The following F10 variants were observed in gnomAD, a reference collection of about 807,000 sequenced individuals.
F10 encodes the protein coagulation factor X.
F10 carries 29 observed loss-of-function variants against 37.1 expected under a neutral mutation model. That is an observed-to-expected ratio of 0.78 (90% CI 0.58 to 1.07). The LOEUF (loss-of-function observed/expected upper bound fraction) is 1.07, where lower values mean the gene tolerates loss of function less well. Ranked by LOEUF, F10 falls within the 50% of genes least tolerant of loss-of-function variation. The pLI is 0.00. For synonymous variants in F10, 262 were observed against 268.6 expected (o/e 0.98, Z 0.24); for missense variants, 539 against 667.9 (o/e 0.81, Z 2.13).
At chr13:113,134,836 T>C (rs1459482104) in intron 2 of F10, among the ~76,000 whole-genome samples, 2 of 152,242 alleles carry the variant, frequency 1.3e-5, no homozygotes, top group Non-Finnish European at 2.9e-5. Context: ...ATAAAACATA[T>C]ACAGGATCTT....
chr13:113,145,891 T>C (rs1205803602), intron 6 of F10, among the ~76,000 whole-genome samples: 1 of 152,122 alleles, frequency 6.6e-6, no homozygotes, highest in Non-Finnish European at 1.5e-5. Flanking sequence ...GGAGCTACAG[T>C]TTGAGATGAG....
In F10 at chr13:113,143,709, TCGCCCTGC is replaced by T; in HGVS notation, c.503-141_503-134del. The T allele has an allele frequency of 6.3e-5, 83 of 1,311,162 alleles. No homozygotes were observed. Among genetic ancestry groups the T allele is most frequent in the Admixed American group, 3.1e-4 (15 of 49,050 alleles). 81.2% of individuals were successfully genotyped at this position (1,311,162 alleles called of 1,614,324 possible). A position where few individuals can be genotyped will look rare whatever the true frequency, so the allele number is the denominator to read the frequency against. ...CGACCCCTGCCGACGACGTGGGGCCTCGCCCTGCAAGCCCGCTGCCCCTCCGGGTGCCC... is the reference window on the plus strand; with the variant it reads ...CGACCCCTGCCGACGACGTGGGGCCTAAGCCCGCTGCCCCTCCGGGTGCCC... On this transcript the variant is annotated intron_variant, in intron 5 of 7. Coordinates refer to ENST00000375559, the MANE Select transcript of F10 (RefSeq NM_000504.4). The surrounding 1 kb of genome is among the most constrained non-coding windows in gnomAD (Gnocchi z 6.8).
At position 113,149,114 on chromosome 13, in the gene F10, C is replaced by A. The variant is rs746308548; in HGVS notation, c.1064C>A (p.Thr355Lys). ...GACTGGGCCGAGTCCACGCTGATGA[C>A]GCAGAAGACGGGGATTGTGAGCGGC... ...ERDWAESTLM[T>K]QKTGIVSGFG... The change falls in exon 8 of 8, where the codon ACG becomes AAG. Residue 355 changes from threonine to lysine, a missense_variant. Thr to Lys is a moderately conservative substitution (Grantham distance 78, BLOSUM62 -1). This residue lies in a region of F10 where 409 missense variants were observed against 547.9 expected (regional missense o/e 0.75). Transcript: ENST00000375559. The surrounding 1 kb of genome is among the most constrained non-coding windows in gnomAD (Gnocchi z 7.5). The A allele has an allele frequency of 6.2e-7, 1 of 1,613,054 alleles. No individual in the cohort carries two copies. The highest frequency in any genetic ancestry group is 2.2e-5 in the East Asian group (1 of 44,876).
intron 2 of F10, chr13:113,130,076 C>T (rs1372716969): frequency 6.6e-6 from 2 of 304,586 alleles, no homozygotes; most frequent in African/African-American, 4.4e-5. Flanking sequence ...GACGCCAGGC[C>T]ACGAACCCAG....
chr13:113,122,816 C>G lies in F10; in HGVS notation c.-40C>G, dbSNP rs3212994. On this transcript the variant is annotated 5_prime_UTR_variant, in exon 1 of 8. Coordinates refer to ENST00000375559, the MANE Select transcript of F10 (RefSeq NM_000504.4). ...GGGGCGTGGACTTTGCTCCAGCAGC[C>G]TGTCCCAGTGAGGACAGGGACACAG... 2 of 1,603,152 alleles carry G rather than the reference C, an allele frequency of 1.2e-6. No individual in the cohort carries two copies. Among genetic ancestry groups the G allele is most frequent in the Non-Finnish European group, 1.7e-6 (2 of 1,177,094 alleles).
chr13:113,141,733 A>G lies in F10; in HGVS notation c.502+683A>G, dbSNP rs1032417738. 4.6e-5 allele frequency among the ~76,000 whole-genome samples: 7 copies of G among 152,098 alleles called. No homozygotes were observed. The highest frequency in any genetic ancestry group is 1.0e-4 in the Non-Finnish European group (7 of 68,018). ...CGGCCAGCACACATGAGGCCCTCGA[A>G]GGCGGGGCCTAGGCGTCACAGCTGC... On this transcript the variant is annotated intron_variant, in intron 5 of 7. Transcript: ENST00000375559. The surrounding 1 kb of genome is among the most constrained non-coding windows in gnomAD (Gnocchi z 5.4).
rs1158454795 is a variant in F10 at position 113,143,754 on chromosome 13, C to T, written c.503-97C>T. Reference sequence around the variant, plus strand: ...CCCTCCGGGTGCCCCTGCGCTCTGCCTCCCGGCTCTCTGACTCTTCTCCCT... The same window carrying T: ...CCCTCCGGGTGCCCCTGCGCTCTGCTTCCCGGCTCTCTGACTCTTCTCCCT... On this transcript the variant is annotated intron_variant, in intron 5 of 7. Transcript: ENST00000375559. The surrounding 1 kb of genome is among the most constrained non-coding windows in gnomAD (Gnocchi z 6.8). 32 of 1,581,118 alleles carry T rather than the reference C, an allele frequency of 2.0e-5. 1 individual carries two copies. In the South Asian group the frequency reaches 3.5e-4, roughly 17 times the overall value.
Position 113,122,863 on chromosome 13 carries a change from GC to G in F10, c.11del (p.Pro4HisfsTer45), listed in dbSNP as rs758550534. MG[R>X]PLHLVLLSAS... ...ACAGTACTCGGCCACACCATGGGGCGCCCACTGCACCTCGTCCTGCTCAGTG... is the reference window on the plus strand; with the variant it reads ...ACAGTACTCGGCCACACCATGGGGCGCCACTGCACCTCGTCCTGCTCAGTG... On this transcript the variant is annotated frameshift_variant, in exon 1 of 8. Transcript: ENST00000375559. LOFTEE classifies it high-confidence loss of function. 6.2e-7 allele frequency: 1 copy of G among 1,610,424 alleles called. No individual in the cohort carries two copies. The highest frequency in any genetic ancestry group is 1.3e-5 in the African/African-American group (1 of 75,058).
intron 6 of F10, among the ~76,000 whole-genome samples, chr13:113,145,093 G>A (rs572644732): frequency 4.6e-5 from 7 of 152,264 alleles, no homozygotes; most frequent in Admixed American, 6.5e-5. Context: ...TGTTAGCCAG[G>A]ATGGTCTCCA....
At chr13:113,123,048 G>T in intron 1 of F10, 123 bp downstream of exon 1, 1 of 1,175,792 alleles carries the variant, frequency 8.5e-7, no homozygotes, top group Non-Finnish European at 1.2e-6. Context: ...GCCAGAGGCT[G>T]GGCTCGGATG....
At position 113,139,493 on chromosome 13, in the gene F10, C is replaced by G; in HGVS notation, c.370+23C>G. The G allele has an allele frequency of 6.3e-7, 1 of 1,580,990 alleles. No homozygotes were observed. The highest frequency in any genetic ancestry group is 8.7e-7 in the Non-Finnish European group (1 of 1,150,142). On this transcript the variant is annotated intron_variant, in intron 4 of 7. Transcript: ENST00000375559. This position sits in a 1 kb window ranked among gnomAD's most constrained non-coding sequence, Gnocchi z 5.2. ...TATGTAGGTTCCTCTGCTTGGTATA[C>G]CTTCAGATCAGATGCCCCTGAAGAG...
intron 4 of F10, 172 bp from the exon 5 acceptor site, chr13:113,140,747 C>T: frequency 1.1e-6 from 1 of 929,262 alleles, no homozygotes; most frequent in South Asian, 1.3e-5. Context: ...CTCCCCGTGA[C>T]CCGTGAGGTT....
Position 113,144,143 on chromosome 13 carries a change from C to G in F10, c.747+48C>G. The G allele has an allele frequency of 1.2e-6, 2 of 1,611,158 alleles. No homozygotes were observed. Among genetic ancestry groups the G allele is most frequent in the Non-Finnish European group, 1.7e-6 (2 of 1,179,696 alleles). On this transcript the variant is annotated intron_variant, in intron 6 of 7. Coordinates refer to ENST00000375559, the MANE Select transcript of F10 (RefSeq NM_000504.4). The surrounding 1 kb of genome is among the most constrained non-coding windows in gnomAD (Gnocchi z 6.4). Reference sequence around the variant, plus strand: ...GGCCTGCTGGAGAGACCACCTGTCCCGCTGTGCACCTCGGGGAGGCCAGCC... The same window carrying G: ...GGCCTGCTGGAGAGACCACCTGTCCGGCTGTGCACCTCGGGGAGGCCAGCC...
At chr13:113,147,801 G>A (rs1227708930) in intron 7 of F10, among the ~76,000 whole-genome samples, 1 of 152,118 alleles carries the variant, frequency 6.6e-6, no homozygotes, top group African/African-American at 2.4e-5. Context: ...AATGTTCTGT[G>A]TCTCAGTGTC....
intron 4 of F10, among the ~76,000 whole-genome samples, chr13:113,140,073 CTTTT>C (rs11398393): frequency 1.6e-5 from 2 of 125,408 alleles, no homozygotes; most frequent in African/African-American, 2.9e-5. Context: ...AATTGATCAT[CTTTT>C]TTTTTTTTTT....
chr13:113,142,344 A>C (rs370398105), intron 5 of F10, among the ~76,000 whole-genome samples: 12 of 151,456 alleles, frequency 7.9e-5, no homozygotes, highest in Non-Finnish European at 1.6e-4. Context: ...GATCGAGACC[A>C]TCCTGGCCAA....
intron 2 of F10, chr13:113,130,615 T>TC (rs1393465597): frequency 6.6e-6 from 1 of 152,076 alleles, no homozygotes; most frequent in South Asian, 2.1e-4. Context: ...CCCTTACAGG[T>TC]CCCCCAGCGC....
chr13:113,124,259 G>C (rs1015343387), intron 1 of F10, among the ~76,000 whole-genome samples: 3 of 152,214 alleles, frequency 2.0e-5, no homozygotes, highest in Non-Finnish European at 2.9e-5. Context: ...GGGATGAGAA[G>C]ACAGGCCAGG....
chr13:113,139,552 T>A lies in F10; in HGVS notation c.370+82T>A. 1.0e-6 allele frequency: 1 copy of A among 1,004,368 alleles called. No homozygotes were observed. Among genetic ancestry groups the A allele is most frequent in the Non-Finnish European group, 1.6e-6 (1 of 639,960 alleles). The allele number at this position is 1,004,368 out of a possible 1,614,324, so 62.2% of individuals were successfully genotyped here. A position where few individuals can be genotyped will look rare whatever the true frequency, so the allele number is the denominator to read the frequency against. ...GGGCGGGGGAAGAAGTGAAAACGCC[T>A]AATGAAACAATCTTAAGTCATTTCT... is the stretch of plus-strand genomic sequence containing the variant. On this transcript the variant is annotated intron_variant, in intron 4 of 7. Coordinates refer to ENST00000375559, the MANE Select transcript of F10 (RefSeq NM_000504.4). The surrounding 1 kb of genome is among the most constrained non-coding windows in gnomAD (Gnocchi z 5.2).
Sources: allele counts gnomAD v4.1 joint callset (sites outside exome capture counted in the v4.1 genomes callset), GRCh38; gene constraint gnomAD v4.1.1; regional missense constraint gnomAD v4.1.1; non-coding constraint Gnocchi (gnomAD v3.1); transcripts MANE v1.5; gene names NCBI Gene and HGNC (gene_info 2026-07-23, HGNC 2026-07-21).